The following TNFAIP8L3 variants were observed in gnomAD, a reference collection of about 807,000 sequenced individuals.
TNFAIP8L3 encodes tumor necrosis factor alpha-induced protein 8-like protein 3.
Under a neutral mutation model 11.8 loss-of-function variants are expected in TNFAIP8L3, and 7 were observed. That is an observed-to-expected ratio of 0.59 (90% CI 0.34 to 1.11). The LOEUF (loss-of-function observed/expected upper bound fraction) is 1.11. Ranked by LOEUF, TNFAIP8L3 falls within the 50% of genes most tolerant of loss-of-function variation. The pLI, the probability that TNFAIP8L3 is intolerant of heterozygous loss-of-function variation, is 0.03. For synonymous variants in TNFAIP8L3, 98 were observed against 103.8 expected (o/e 0.94, Z 0.34); for missense variants, 219 against 258.6 (o/e 0.85, Z 1.05).
At chr15:51,063,125 G>A (rs1353101500) in intron 1 of TNFAIP8L3, among the ~76,000 whole-genome samples, 1 of 152,184 alleles carries the variant, frequency 6.6e-6, no homozygotes, top group African/African-American at 2.4e-5. Context: ...TTTTAGCTCT[G>A]TAAAATCCAT....
chr15:51,081,591 G>GA (rs2065392821), intron 1 of TNFAIP8L3, among the ~76,000 whole-genome samples: 1 of 152,190 alleles, frequency 6.6e-6, no homozygotes, highest in Non-Finnish European at 1.5e-5. Context: ...ATGCTGCTCA[G>GA]ACCTCAGCCA....
At chr15:51,100,017 A>G (rs1312372253) in intron 1 of TNFAIP8L3, among the ~76,000 whole-genome samples, 3 of 152,244 alleles carry the variant, frequency 2.0e-5, no homozygotes, top group Admixed American at 2.0e-4. Context: ...AAAGAAGAGA[A>G]TGGTGATCAC....
At chr15:51,082,381 C>T (rs2065398837) in intron 1 of TNFAIP8L3, among the ~76,000 whole-genome samples, 1 of 152,166 alleles carries the variant, frequency 6.6e-6, no homozygotes. Flanking sequence ...AAATGGTCTA[C>T]TTCTCTAAGG....
chr15:51,083,522 T>C (rs1464961825), intron 1 of TNFAIP8L3, among the ~76,000 whole-genome samples: 2 of 152,164 alleles, frequency 1.3e-5, no homozygotes, highest in Admixed American at 6.6e-5. Flanking sequence ...AGCTGCCAAG[T>C]GGACCCCCTG....
intron 1 of TNFAIP8L3, among the ~76,000 whole-genome samples, chr15:51,071,842 C>A (rs905543811): frequency 6.6e-6 from 1 of 152,202 alleles, no homozygotes; most frequent in African/African-American, 2.4e-5. Flanking sequence ...TTCAAATCAT[C>A]CAACTTTTTA....
At chr15:51,076,835 G>A (rs533072362) in intron 1 of TNFAIP8L3, among the ~76,000 whole-genome samples, 7 of 152,326 alleles carry the variant, frequency 4.6e-5, no homozygotes, top group African/African-American at 1.7e-4. Context: ...TGAGAAAGCA[G>A]ACTAGAAGAT....
chr15:51,072,248 C>G (rs1298615700), intron 1 of TNFAIP8L3, among the ~76,000 whole-genome samples: 4 of 152,236 alleles, frequency 2.6e-5, no homozygotes, highest in Admixed American at 2.0e-4. Flanking sequence ...TCAAGCAATT[C>G]TCTTGCTGCA....
chr15:51,063,710 T>C (rs538495558), intron 1 of TNFAIP8L3, among the ~76,000 whole-genome samples: 10 of 152,182 alleles, frequency 6.6e-5, no homozygotes, highest in South Asian at 2.1e-4. Flanking sequence ...AAGTATTCAA[T>C]TGGGTCTTGC....
intron 1 of TNFAIP8L3, among the ~76,000 whole-genome samples, chr15:51,091,083 T>A (rs1197247479): frequency 1.3e-5 from 2 of 152,058 alleles, no homozygotes; most frequent in East Asian, 3.9e-4. Context: ...CTGGAAAGAA[T>A]CCAGTGTTCC....
chr15:51,067,780 A>G (rs921010005), intron 1 of TNFAIP8L3, among the ~76,000 whole-genome samples: 1 of 152,244 alleles, frequency 6.6e-6, no homozygotes, highest in Non-Finnish European at 1.5e-5. Flanking sequence ...TGATTTCAAA[A>G]AATGCCTGAA....
chr15:51,091,202 A>C (rs1384687671), intron 1 of TNFAIP8L3, among the ~76,000 whole-genome samples: 1 of 152,232 alleles, frequency 6.6e-6, no homozygotes, highest in Admixed American at 6.5e-5. Context: ...TGCTTCCTGA[A>C]AAACAGAAAA....
intron 1 of TNFAIP8L3, among the ~76,000 whole-genome samples, chr15:51,102,103 G>A (rs1447000893): frequency 1.3e-5 from 2 of 152,080 alleles, no homozygotes; most frequent in African/African-American, 4.8e-5. Context: ...GGTATTGTGG[G>A]AGGCTGGAGT....
chr15:51,060,701 TG>T (rs2065237399), intron 1 of TNFAIP8L3, among the ~76,000 whole-genome samples: 1 of 152,210 alleles, frequency 6.6e-6, no homozygotes, highest in Admixed American at 6.5e-5. Context: ...TTTAACCCTT[TG>T]GGCTGGGTTA....
intron 1 of TNFAIP8L3, among the ~76,000 whole-genome samples, chr15:51,091,676 G>GCA (rs3077947): frequency 0.056 from 8,122 of 143,946 alleles, 362 homozygotes; most frequent in African/African-American, 0.13. Context: ...ACCTCCTCAA[G>GCA]CACACACACA....
chr15:51,103,705 A>G (rs928138934), intron 1 of TNFAIP8L3, among the ~76,000 whole-genome samples: 12 of 152,180 alleles, frequency 7.9e-5, no homozygotes, highest in African/African-American at 2.9e-4. Context: ...ACTCCGTGTT[A>G]CTTTCTTCTA....
intron 1 of TNFAIP8L3, among the ~76,000 whole-genome samples, chr15:51,068,300 C>T (rs146053571): frequency 4.6e-5 from 7 of 152,168 alleles, no homozygotes; most frequent in Non-Finnish European, 8.8e-5. Flanking sequence ...AGGAGCCAGC[C>T]TGTAGGGAAG....
intron 1 of TNFAIP8L3, among the ~76,000 whole-genome samples, chr15:51,074,734 G>T (rs2065337673): frequency 6.6e-6 from 1 of 152,212 alleles, no homozygotes; most frequent in South Asian, 2.1e-4. Flanking sequence ...GTGCTGCCCT[G>T]GCTGCCAGCC....
At position 51,084,574 on chromosome 15, in the gene TNFAIP8L3, A is replaced by T. The variant is rs556040435; in HGVS notation, c.52+9970T>A. On this transcript the variant is annotated intron_variant, in intron 1 of 1. Transcript: ENST00000637513. ...TTATCCATGTCATGGTTTTGCTATG[A>T]GAACATGTGTGGAGGAGTTTTCACT... 4.6e-5 allele frequency among the ~76,000 whole-genome samples: 7 copies of T among 152,318 alleles called. No individual in the cohort carries two copies. The East Asian group carries it at 1.4e-3, about 29-fold the overall frequency.
chr15:51,081,181 G>T (rs1196938074), intron 1 of TNFAIP8L3, among the ~76,000 whole-genome samples: 1 of 152,156 alleles, frequency 6.6e-6, no homozygotes, highest in Non-Finnish European at 1.5e-5. Context: ...CAGTGGAAAC[G>T]GAGAGCAGCA....
Sources: gnomAD v4.1 joint callset for allele counts (sites outside exome capture counted in the v4.1 genomes callset) on GRCh38, gnomAD v4.1.1 for gene constraint, MANE v1.5 for transcripts, NCBI Gene and HGNC (gene_info 2026-07-23, HGNC 2026-07-21) for gene names.